SLC25A11: variants seen among roughly 807,000 people sequenced by gnomAD.
SLC25A11 encodes solute carrier family 25 member 11.
A neutral mutation model predicts 32.7 loss-of-function variants in SLC25A11; 11 were observed. The ratio of observed to expected loss-of-function variants is 0.34; its 90% confidence interval spans 0.21 to 0.56. The LOEUF (loss-of-function observed/expected upper bound fraction) is 0.56. SLC25A11 is among the 20% of genes least tolerant of loss of function. SLC25A11 has a pLI of 0.90. For synonymous variants in SLC25A11, 163 were observed against 168.3 expected (o/e 0.97, Z 0.24); for missense variants, 295 against 426.3 (o/e 0.69, Z 2.71).
chr17:4,937,812 G>C lies in SLC25A11; in HGVS notation c.874C>G (p.His292Asp). 6.2e-7 allele frequency: 1 copy of C among 1,614,172 alleles called. No individual in the cohort carries two copies. Among genetic ancestry groups the C allele is most frequent in the Non-Finnish European group, 8.5e-7 (1 of 1,180,026 alleles). Residue 292 changes from histidine to aspartate, a missense_variant, in exon 8 of 8, where the codon CAC becomes GAC. His to Asp is a moderately conservative substitution (Grantham distance 81). This residue lies in a region of SLC25A11 where 142 missense variants were observed against 197.8 expected (regional missense o/e 0.72). Transcript: ENST00000225665. ...AAGAAGATGAAGGTGAGGACGGTGT[G>C]GGGGCCCAGGCGGGCATAGTACGGC... ...FTPYYARLGP[H>D]TVLTFIFLEQ...
Position 4,937,637 on chromosome 17 carries a change from C to T in SLC25A11, c.*104G>A. 2 of 1,379,648 alleles carry T rather than the reference C, an allele frequency of 1.4e-6. No individual in the cohort carries two copies. Among genetic ancestry groups the T allele is most frequent in the Non-Finnish European group, 2.0e-6 (2 of 1,023,942 alleles). The allele number at this position is 1,379,648 out of a possible 1,614,324, so 85.5% of individuals were successfully genotyped here. ...TCCTTTACCGCAGAGGAAGAAACCA[C>T]ACTGTGGAAGGGAAATAAATAGAGG... On this transcript the variant is annotated 3_prime_UTR_variant, in exon 8 of 8. Coordinates refer to ENST00000225665, the MANE Select transcript of SLC25A11 (RefSeq NM_003562.5).
rs1225370131 is a variant in SLC25A11 at position 4,938,625 on chromosome 17, T to G, written c.456-23A>C. ...AGCCTGGTGGGAAGGCAGAAAGAGG[T>G]CAAGATCAGGATTGCCCACAGGTGC... On this transcript the variant is annotated intron_variant, in intron 3 of 7. Transcript: ENST00000225665. This position sits in a 1 kb window ranked among gnomAD's most constrained non-coding sequence, Gnocchi z 7.6. 1.2e-6 allele frequency: 2 copies of G among 1,611,208 alleles called. No individual in the cohort carries two copies. Among genetic ancestry groups the G allele is most frequent in the South Asian group, 2.2e-5 (2 of 91,008 alleles).
Position 4,939,280 on chromosome 17 carries a change from G to T in SLC25A11, c.96-68C>A. On this transcript the variant is annotated intron_variant, in intron 1 of 7. Transcript: ENST00000225665. This position sits in a 1 kb window ranked among gnomAD's most constrained non-coding sequence, Gnocchi z 4.1. ...ATCTACCAGTGCCCACTGGAGCCTG[G>T]CAGCAAGAGGTTACAAAGGTCAGGG... is the stretch of plus-strand genomic sequence containing the variant. 6.6e-7 allele frequency: 1 copy of T among 1,519,032 alleles called. No individual in the cohort carries two copies. The highest frequency in any genetic ancestry group is 8.9e-7 in the Non-Finnish European group (1 of 1,124,412). The allele number at this position is 1,519,032 out of a possible 1,614,324, so 94.1% of individuals were successfully genotyped here. A position where few individuals can be genotyped will look rare whatever the true frequency, so the allele number is the denominator to read the frequency against.
rs1567651520 is a variant in SLC25A11 at position 4,938,612 on chromosome 17, A to T, written c.456-10T>A. On this transcript the variant is annotated splice_polypyrimidine_tract_variant and intron_variant, in intron 3 of 7. Coordinates refer to ENST00000225665, the MANE Select transcript of SLC25A11 (RefSeq NM_003562.5). The surrounding 1 kb of genome is among the most constrained non-coding windows in gnomAD (Gnocchi z 7.6). ...CTGGTCAGCTGGAAGCCTGGTGGGA[A>T]GGCAGAAAGAGGTCAAGATCAGGAT... 1 of 1,613,310 alleles carries T rather than the reference A, an allele frequency of 6.2e-7. No homozygotes were observed. The highest frequency in any genetic ancestry group is 2.2e-5 in the East Asian group (1 of 44,882).
rs548148088 is a variant in SLC25A11 at position 4,939,540 on chromosome 17, A to G, written c.95+276T>C. 7 of 576,558 alleles carry G rather than the reference A, an allele frequency of 1.2e-5. No homozygotes were observed. The highest frequency in any genetic ancestry group is 1.1e-4 in the African/African-American group (6 of 53,338). 35.7% of individuals were successfully genotyped at this position (576,558 alleles called of 1,614,324 possible). A position where few individuals can be genotyped will look rare whatever the true frequency, so the allele number is the denominator to read the frequency against. On this transcript the variant is annotated intron_variant, in intron 1 of 7. Coordinates refer to ENST00000225665, the MANE Select transcript of SLC25A11 (RefSeq NM_003562.5). The surrounding 1 kb of genome is among the most constrained non-coding windows in gnomAD (Gnocchi z 4.1). ...GACTCCAGGTAGTCCTGCAGGAGCC[A>G]TTTAATGGCCTGGAACCCCCTGCCG...
Position 4,938,392 on chromosome 17 carries a change from T to C in SLC25A11, c.584A>G (p.Asn195Ser), listed in dbSNP as rs138952715. 8.1e-6 allele frequency: 13 copies of C among 1,614,008 alleles called. No individual in the cohort carries two copies. Among genetic ancestry groups the C allele is most frequent in the Admixed American group, 1.7e-5 (1 of 60,008 alleles). The change falls in exon 5 of 8, where the codon AAT (asparagine) becomes AGT (serine). Residue 195 changes from asparagine to serine, a missense_variant. Around this residue, in one of 3 missense-constraint regions of SLC25A11, gnomAD observed 142 missense variants for 197.8 expected, o/e 0.72. Coordinates refer to ENST00000225665, the MANE Select transcript of SLC25A11 (RefSeq NM_003562.5). The surrounding 1 kb of genome is among the most constrained non-coding windows in gnomAD (Gnocchi z 7.6). ...IPTMARAVVV[N>S]AAQLASYSQS... The stretch of plus-strand genomic sequence containing the variant: ...GGAGTAGGAGGCGAGCTGGGCAGCA[T>C]TGACGACGACGGCCCGAGCCATGGT...
rs781661516 is a variant in SLC25A11, at chr17:4,938,543, G to A, written c.515C>T (p.Thr172Ile). 1.2e-6 allele frequency: 2 copies of A among 1,614,122 alleles called. No individual in the cohort carries two copies. The highest frequency in any genetic ancestry group is 1.7e-6 in the Non-Finnish European group (2 of 1,179,978). The change falls in exon 4 of 8, where the codon ACC becomes ATC. Residue 172 changes from threonine to isoleucine, a missense_variant. This residue lies in a region of SLC25A11 where 142 missense variants were observed against 197.8 expected (regional missense o/e 0.72). Transcript: ENST00000225665. This position sits in a 1 kb window ranked among gnomAD's most constrained non-coding sequence, Gnocchi z 7.6. Reference sequence around the variant, plus strand: ...CAGTGTGAGGACACCCTCTTCCCGGGTGATTCGAATCAGGGCGTTAAACAC... The same window carrying A: ...CAGTGTGAGGACACCCTCTTCCCGGATGATTCGAATCAGGGCGTTAAACAC... ...KNVFNALIRITREEGVLTLWR... is the reference protein window; with the variant it reads ...KNVFNALIRIIREEGVLTLWR...
In SLC25A11 at chr17:4,939,778, C is replaced by A; in HGVS notation, c.95+38G>T. 6.4e-7 allele frequency: 1 copy of A among 1,557,752 alleles called. No individual in the cohort carries two copies. Among genetic ancestry groups the A allele is most frequent in the South Asian group, 1.1e-5 (1 of 89,116 alleles). On this transcript the variant is annotated intron_variant, in intron 1 of 7. Coordinates refer to ENST00000225665, the MANE Select transcript of SLC25A11 (RefSeq NM_003562.5). The surrounding 1 kb of genome is among the most constrained non-coding windows in gnomAD (Gnocchi z 4.1). ...CGGGCCCGGTTCCTTTTGCCCTTCC[C>A]TTCCTCCTCTTTTCCCATCCCTGGG... is the stretch of plus-strand genomic sequence containing the variant.
Position 4,939,518 on chromosome 17 carries a change from T to C in SLC25A11, c.95+298A>G. On this transcript the variant is annotated intron_variant, in intron 1 of 7. Coordinates refer to ENST00000225665, the MANE Select transcript of SLC25A11 (RefSeq NM_003562.5). The surrounding 1 kb of genome is among the most constrained non-coding windows in gnomAD (Gnocchi z 4.1). Reference sequence around the variant, plus strand: ...GGAAGGGGCATCCAAGATTTAGGACTCCAGGTAGTCCTGCAGGAGCCATTT... The same window carrying C: ...GGAAGGGGCATCCAAGATTTAGGACCCCAGGTAGTCCTGCAGGAGCCATTT... 1 of 575,104 alleles carries C rather than the reference T, an allele frequency of 1.7e-6. No homozygotes were observed. The highest frequency in any genetic ancestry group is 2.9e-5 in the East Asian group (1 of 34,320). 35.6% of individuals were successfully genotyped at this position (575,104 alleles called of 1,614,324 possible). A position where few individuals can be genotyped will look rare whatever the true frequency, so the allele number is the denominator to read the frequency against.
chr17:4,938,870 G>A lies in SLC25A11; in HGVS notation c.354C>T (p.Gly118=). The A allele has an allele frequency of 6.2e-7, 1 of 1,614,170 alleles. No homozygotes were observed. The highest frequency in any genetic ancestry group is 8.5e-7 in the Non-Finnish European group (1 of 1,180,032). The change falls in exon 3 of 8, where the codon GGC becomes GGT. Residue 118 remains glycine (G), a synonymous_variant. Coordinates refer to ENST00000225665, the MANE Select transcript of SLC25A11 (RefSeq NM_003562.5). The surrounding 1 kb of genome is among the most constrained non-coding windows in gnomAD (Gnocchi z 7.6). ...TGCCAATCACAGCCTTCAGCAGAAA[G>A]CCAGGGGGAGTACCATCAGCCCCAG... ...RLTGADGTPP[G]FLLKAVIGMT...
rs1970544502 is a variant in SLC25A11, at chr17:4,939,183, A to T, written c.125T>A (p.Leu42Gln). 1.2e-6 allele frequency: 2 copies of T among 1,610,758 alleles called. No individual in the cohort carries two copies. Among genetic ancestry groups the T allele is most frequent in the Non-Finnish European group, 1.7e-6 (2 of 1,177,170 alleles). ...CTGCATCCGGTTCTTCACCAGGTCC[A>T]GGGGCTGGACAAAAACTGTAGCTCC... The part of the protein sequence containing the change: ...GMGATVFVQP[L>Q]DLVKNRMQLS... The change falls in exon 2 of 8, where the codon CTG becomes CAG. Residue 42 changes from leucine to glutamine, a missense_variant. Around this residue, in one of 3 missense-constraint regions of SLC25A11, gnomAD observed 104 missense variants for 121.5 expected, o/e 0.86. Transcript: ENST00000225665. This position sits in a 1 kb window ranked among gnomAD's most constrained non-coding sequence, Gnocchi z 4.1.
rs1289091970 is a variant in SLC25A11, at chr17:4,938,994, A to G, written c.249-19T>C. On this transcript the variant is annotated intron_variant, in intron 2 of 7. Transcript: ENST00000225665. The surrounding 1 kb of genome is among the most constrained non-coding windows in gnomAD (Gnocchi z 7.6). Reference sequence around the variant, plus strand: ...CGACAGCCTGAGGAGCAGAGGGGTCAGCATATCAGGCCAAGGTCTAGAGCT... The same window carrying G: ...CGACAGCCTGAGGAGCAGAGGGGTCGGCATATCAGGCCAAGGTCTAGAGCT... 1.2e-6 allele frequency: 2 copies of G among 1,614,040 alleles called. No homozygotes were observed. The highest frequency in any genetic ancestry group is 2.7e-5 in the African/African-American group (2 of 74,926).
chr17:4,937,711 G>T lies in SLC25A11; in HGVS notation c.*30C>A. On this transcript the variant is annotated 3_prime_UTR_variant, in exon 8 of 8. Transcript: ENST00000225665. ...CCCCCAGGGCGCAGTGGCTATAGGC[G>T]CAGCAGGCGAGTGGGAGCCCCCGGC... The T allele has an allele frequency of 6.3e-7, 1 of 1,581,556 alleles. No individual in the cohort carries two copies. The highest frequency in any genetic ancestry group is 1.2e-5 in the South Asian group (1 of 86,212).
rs939359210 is a variant in SLC25A11 at position 4,939,205 on chromosome 17, C to A, written c.103G>T (p.Ala35Ser). The A allele has an allele frequency of 1.2e-6, 2 of 1,604,152 alleles. No individual in the cohort carries two copies. Among genetic ancestry groups the A allele is most frequent in the Non-Finnish European group, 1.7e-6 (2 of 1,171,808 alleles). Residue 35 changes from alanine to serine, a missense_variant, in exon 2 of 8, where the codon GCT (alanine) becomes TCT (serine). Physicochemically the swap from Ala to Ser is moderately conservative, Grantham distance 99. Coordinates refer to ENST00000225665, the MANE Select transcript of SLC25A11 (RefSeq NM_003562.5). The surrounding 1 kb of genome is among the most constrained non-coding windows in gnomAD (Gnocchi z 4.1). The part of the protein sequence containing the change: ...FLFGGLAGMG[A>S]TVFVQPLDLV... Reference sequence around the variant, plus strand: ...TCCAGGGGCTGGACAAAAACTGTAGCTCCCATCCTGGGGGAAGACAGAGGT... The same window carrying A: ...TCCAGGGGCTGGACAAAAACTGTAGATCCCATCCTGGGGGAAGACAGAGGT...
rs758785560 is a variant in SLC25A11, at chr17:4,937,914, G to T, written c.790-18C>A. 1 of 1,612,368 alleles carries T rather than the reference G, an allele frequency of 6.2e-7. No individual in the cohort carries two copies. The highest frequency in any genetic ancestry group is 2.2e-5 in the East Asian group (1 of 44,860). On this transcript the variant is annotated intron_variant, in intron 7 of 7. Transcript: ENST00000225665. The stretch of plus-strand genomic sequence containing the variant: ...AGCACGTCCTAGACACAGACAGGCA[G>T]GGCGCTGGGGCTAGGACTCTAGGTC...
In SLC25A11 at chr17:4,937,236, A is replaced by T. The variant is rs538216406; in HGVS notation, c.*505T>A. ...TTTAACAATTTTTCTTAAAAACTCC[A>T]GTTCCTATTCTCCAGCTTCTTTGTC... On this transcript the variant is annotated 3_prime_UTR_variant, in exon 8 of 8. Coordinates refer to ENST00000225665, the MANE Select transcript of SLC25A11 (RefSeq NM_003562.5). 5.9e-5 allele frequency: 9 copies of T among 152,738 alleles called. No individual in the cohort carries two copies. The highest frequency in any genetic ancestry group is 2.2e-4 in the African/African-American group (9 of 41,564). The allele number at this position is 152,738 out of a possible 1,614,324, so 9.5% of individuals were successfully genotyped here. A position where few individuals can be genotyped will look rare whatever the true frequency, so the allele number is the denominator to read the frequency against.
Position 4,939,881 on chromosome 17 carries a change from G to C in SLC25A11, c.30C>G (p.Gly10=). 1.2e-6 allele frequency: 2 copies of C among 1,611,182 alleles called. No homozygotes were observed. The highest frequency in any genetic ancestry group is 1.7e-6 in the Non-Finnish European group (2 of 1,179,314). Residue 10 remains glycine, a synonymous_variant, in exon 1 of 8, where the codon GGC becomes GGG. Transcript: ENST00000225665. This position sits in a 1 kb window ranked among gnomAD's most constrained non-coding sequence, Gnocchi z 4.1. ...AGGTACGGGGCTTCCCGTCTATCCC[G>C]CCGGCCCCGGCACTCGCCGTCGCCG... MAATASAGA[G]GIDGKPRTSP...
Position 4,938,484 on chromosome 17 carries a change from C to G in SLC25A11, c.546+28G>C, listed in dbSNP as rs770179131. ...AAACCCCTAAAACCAGACCTCACAGCCCCCAAGTCTCCAGCCCCTCCACTC... is the reference window on the plus strand; with the variant it reads ...AAACCCCTAAAACCAGACCTCACAGGCCCCAAGTCTCCAGCCCCTCCACTC... On this transcript the variant is annotated intron_variant, in intron 4 of 7. Coordinates refer to ENST00000225665, the MANE Select transcript of SLC25A11 (RefSeq NM_003562.5). This position sits in a 1 kb window ranked among gnomAD's most constrained non-coding sequence, Gnocchi z 7.6. 5 of 1,613,304 alleles carry G rather than the reference C, an allele frequency of 3.1e-6. No individual in the cohort carries two copies. In the Admixed American group the frequency reaches 8.3e-5, roughly 27 times the overall value.
Position 4,937,962 on chromosome 17 carries a change from C to G in SLC25A11, c.789+61G>C. 10 of 1,613,472 alleles carry G rather than the reference C, an allele frequency of 6.2e-6. No homozygotes were observed. In the South Asian group the frequency reaches 1.1e-4, roughly 18 times the overall value. On this transcript the variant is annotated intron_variant, in intron 7 of 7. Coordinates refer to ENST00000225665, the MANE Select transcript of SLC25A11 (RefSeq NM_003562.5). ...GTCCCCATCCCCCTCACCCAGCTGCCTTCACACCTTTCCCAGGGGATCCGA... is the reference window on the plus strand; with the variant it reads ...GTCCCCATCCCCCTCACCCAGCTGCGTTCACACCTTTCCCAGGGGATCCGA...
Sources: allele counts gnomAD v4.1 joint callset, GRCh38; gene constraint gnomAD v4.1.1; regional missense constraint gnomAD v4.1.1; non-coding constraint Gnocchi (gnomAD v3.1); transcripts MANE v1.5; gene names NCBI Gene and HGNC (gene_info 2026-07-23, HGNC 2026-07-21).